Variants in DPCD observed in about 807,000 individuals in gnomAD.
DPCD encodes deleted in primary ciliary dyskinesia homolog (mouse), also known as protein DPCD.
A neutral mutation model predicts 26.4 loss-of-function variants in DPCD; 20 were observed. That is an observed-to-expected ratio of 0.76 (90% CI 0.53 to 1.10). The LOEUF (loss-of-function observed/expected upper bound fraction) is 1.10. Ranked by LOEUF, DPCD falls within the 50% of genes least tolerant of loss-of-function variation. The probability of loss-of-function intolerance (pLI) is 0.00; values close to 1 mark genes in which losing one functional copy is unlikely to be tolerated. For missense variants in DPCD, 202 were observed against 253.9 expected (o/e 0.80, Z 1.39); for synonymous variants, 97 against 94.2 (o/e 1.03, Z -0.17).
intron 2 of DPCD, among the ~76,000 whole-genome samples, chr10:101,595,816 A>G (rs1402874668): frequency 2.0e-5 from 3 of 152,230 alleles, no homozygotes; most frequent in African/African-American, 7.2e-5. Context: ...TTCGGTGGAA[A>G]CCAATACAGT....
intron 2 of DPCD, among the ~76,000 whole-genome samples, chr10:101,597,880 TAAG>T (rs1406880703): frequency 4.6e-5 from 7 of 152,124 alleles, no homozygotes; most frequent in South Asian, 2.1e-4. Flanking sequence ...ATAGGAAAAA[TAAG>T]AAGGACTTCC....
At chr10:101,605,009 T>G in intron 4 of DPCD, 2 of 1,332,306 alleles carry the variant, frequency 1.5e-6, no homozygotes, top group Non-Finnish European at 2.0e-6. Flanking sequence ...AGGCTTCTCT[T>G]TGGTGGGGCC....
At position 101,609,466 on chromosome 10, in the gene DPCD, C is replaced by T; in HGVS notation, c.607C>T (p.Gln203Ter). The change falls in exon 6 of 6, where the codon CAG becomes TAG. Residue 203 changes from glutamine to a stop codon, truncating the protein, a stop_gained. Coordinates refer to ENST00000370151, the MANE Select transcript of DPCD (RefSeq NM_015448.3). LOFTEE classifies it high-confidence loss of function. The part of the protein sequence containing the change: ...AHSNDGDCKT[Q>*] ...CAGCAACGATGGGGACTGCAAGACC[C>T]AGTAGTTGGCCCCTGAGCCTTATAC... 6.2e-7 allele frequency: 1 copy of T among 1,613,876 alleles called. No individual in the cohort carries two copies. Among genetic ancestry groups the T allele is most frequent in the East Asian group, 2.2e-5 (1 of 44,872 alleles).
At chr10:101,608,772 C>A in intron 4 of DPCD, 63 bp from the exon 5 acceptor site, 1 of 1,097,310 alleles carries the variant, frequency 9.1e-7, no homozygotes, top group Non-Finnish European at 1.4e-6. Context: ...CAGCAGAGGG[C>A]CTGACGCCTG....
Position 101,601,273 on chromosome 10 carries a change from A to T in DPCD, c.341A>T (p.Asp114Val), listed in dbSNP as rs1484136917. 1.9e-6 allele frequency: 3 copies of T among 1,613,758 alleles called. No individual in the cohort carries two copies. Among genetic ancestry groups the T allele is most frequent in the Admixed American group, 1.7e-5 (1 of 59,996 alleles). ...ATTCGAAACCTCCCCTATCCTAAGGATGTCTATAGTGTCTCTGTGGACCAG... is the reference window on the plus strand; with the variant it reads ...ATTCGAAACCTCCCCTATCCTAAGGTTGTCTATAGTGTCTCTGTGGACCAG... The part of the protein sequence containing the change: ...WRIRNLPYPK[D>V]VYSVSVDQKE... The change falls in exon 4 of 6, where the codon GAT becomes GTT. Residue 114 changes from aspartate to valine, a missense_variant. Asp to Val is a radical substitution (Grantham distance 152). This residue lies in a region of DPCD where 118 missense variants were observed against 145.1 expected (regional missense o/e 0.81). Transcript: ENST00000370151.
chr10:101,595,885 A>C (rs757485214), intron 2 of DPCD, among the ~76,000 whole-genome samples: 7 of 152,176 alleles, frequency 4.6e-5, no homozygotes, highest in Non-Finnish European at 7.4e-5. Context: ...ACAGCCTTGG[A>C]ATGCCTAACA....
chr10:101,607,601 G>A (rs2063742190), intron 4 of DPCD, among the ~76,000 whole-genome samples: 1 of 152,108 alleles, frequency 6.6e-6, no homozygotes. Context: ...GTGCTGCATT[G>A]ATGTCAACTC....
chr10:101,589,559 A>G (rs1169715278), intron 1 of DPCD, among the ~76,000 whole-genome samples: 1 of 152,166 alleles, frequency 6.6e-6, no homozygotes, highest in Non-Finnish European at 1.5e-5. Flanking sequence ...CTTGGGCAAC[A>G]TGGCCAAACC....
At chr10:101,604,502 A>G (rs1006447228) in intron 4 of DPCD, among the ~76,000 whole-genome samples, 1 of 152,206 alleles carries the variant, frequency 6.6e-6, no homozygotes, top group African/African-American at 2.4e-5. Context: ...ACTTGAAGGA[A>G]TTGATTGCAG....
At chr10:101,602,633 C>A (rs557755108) in intron 4 of DPCD, among the ~76,000 whole-genome samples, 116 of 152,226 alleles carry the variant, frequency 7.6e-4, no homozygotes, top group Non-Finnish European at 1.4e-3. Flanking sequence ...TAACAGGAGT[C>A]ACTGCCTAAA....
intron 1 of DPCD, among the ~76,000 whole-genome samples, chr10:101,592,514 G>A (rs1236462000): frequency 1.3e-5 from 2 of 152,008 alleles, no homozygotes; most frequent in Non-Finnish European, 2.9e-5. Flanking sequence ...GAGCTCAGGA[G>A]TTTGAGATCA....
At chr10:101,595,728 G>A (rs1169464694) in intron 2 of DPCD, among the ~76,000 whole-genome samples, 1 of 152,092 alleles carries the variant, frequency 6.6e-6, no homozygotes, top group Non-Finnish European at 1.5e-5. Context: ...TCCTTATTAT[G>A]AGCTGCTTGG....
Position 101,600,856 on chromosome 10 carries a change from T to C in DPCD, c.264T>C (p.Asn88=). 1 of 1,613,854 alleles carries C rather than the reference T, an allele frequency of 6.2e-7. No homozygotes were observed. Reference sequence around the variant, plus strand: ...GGCCTGAACTCATCAAGGAAAGCAATGCCAATGTACGTCCATCTGTCCAGG... The same window carrying C: ...GGCCTGAACTCATCAAGGAAAGCAACGCCAATGTACGTCCATCTGTCCAGG... The part of the protein sequence containing the change: ...NLGPELIKES[N]ANPIFMRKDT... Residue 88 remains asparagine, a synonymous_variant, in exon 3 of 6, where the codon AAT becomes AAC. Transcript: ENST00000370151. This position sits in a 1 kb window ranked among gnomAD's most constrained non-coding sequence, Gnocchi z 4.7.
intron 3 of DPCD, 122 bp from the exon 4 acceptor site, chr10:101,601,081 G>T: frequency 6.7e-7 from 1 of 1,503,238 alleles, no homozygotes; most frequent in Non-Finnish European, 9.0e-7. Context: ...AGCAATAGCA[G>T]CGTCAGAGGG....
At position 101,600,130 on chromosome 10, in the gene DPCD, C is replaced by T. The variant is rs1215282259; in HGVS notation, c.146-608C>T. Among the ~76,000 whole-genome samples, 1 of 151,736 alleles carries T rather than the reference C, an allele frequency of 6.6e-6. No individual in the cohort carries two copies. Among genetic ancestry groups the T allele is most frequent in the East Asian group, 1.9e-4 (1 of 5,196 alleles). On this transcript the variant is annotated intron_variant, in intron 2 of 5. Transcript: ENST00000370151. The surrounding 1 kb of genome is among the most constrained non-coding windows in gnomAD (Gnocchi z 4.7). ...AATTCACATTAGATCTTTTATAAAC[C>T]GTGCATTTAAAATATGGCATGTGCC...
chr10:101,605,108 T>C, intron 4 of DPCD: 1 of 1,550,488 alleles, frequency 6.4e-7, no homozygotes, highest in Non-Finnish European at 8.7e-7. Context: ...AGCCTTGATG[T>C]TTAAGAAGAT....
chr10:101,593,595 C>T (rs2063628121), intron 1 of DPCD, among the ~76,000 whole-genome samples: 1 of 151,858 alleles, frequency 6.6e-6, no homozygotes, highest in Non-Finnish European at 1.5e-5. Context: ...GTTTCTTCTT[C>T]TTCTTTTTTT....
chr10:101,606,413 G>A (rs770840666), intron 4 of DPCD, among the ~76,000 whole-genome samples: 6 of 151,866 alleles, frequency 4.0e-5, no homozygotes, highest in African/African-American at 7.2e-5. Context: ...TGCCTACCTC[G>A]GCCTCCCAAA....
intron 1 of DPCD, chr10:101,588,797 A>G (rs1214505315): frequency 3.0e-5 from 16 of 531,602 alleles, no homozygotes; most frequent in Non-Finnish European, 3.8e-5. Flanking sequence ...CGACTGTGCC[A>G]TTAATTCACC....
Sources: allele counts gnomAD v4.1 joint callset (sites outside exome capture counted in the v4.1 genomes callset), GRCh38; gene constraint gnomAD v4.1.1; regional missense constraint gnomAD v4.1.1; non-coding constraint Gnocchi (gnomAD v3.1); transcripts MANE v1.5; gene names NCBI Gene and HGNC (gene_info 2026-07-23, HGNC 2026-07-21).